KANK1: variants seen among roughly 807,000 people sequenced by gnomAD.
The protein encoded by KANK1 is KN motif and ankyrin repeat domain-containing protein 1.
A neutral mutation model predicts 106.2 loss-of-function variants in KANK1; 109 were observed. The ratio of observed to expected loss-of-function variants is 1.03; its 90% CI spans 0.88 to 1.20. The LOEUF (loss-of-function observed/expected upper bound fraction) is 1.20, where lower values mean the gene tolerates loss of function less well. Among genes scored for constraint, KANK1 ranks in the 50% most tolerant of loss-of-function variants. The pLI is 0.00. For missense variants in KANK1, 2,399 were observed against 1,710.7 expected (o/e 1.40, Z -7.10); for synonymous variants, 873 against 652.2 (o/e 1.34, Z -5.16).
rs539159931 is a variant in KANK1 at position 684,538 on chromosome 9, ACT to A, written c.37+7532_37+7533del. On this transcript the variant is annotated intron_variant, in intron 2 of 11. Coordinates refer to ENST00000382297, the MANE Select transcript of KANK1 (RefSeq NM_015158.5). ...CAGCCCTTCCTACAAGGATTTGAAA[ACT>A]CTGTGCTCTGCTCTTCCTCAGCAGA... is the stretch of plus-strand genomic sequence containing the variant. The A allele has an allele frequency of 5.5e-3, 5,466 of 985,072 alleles. 14 individuals are homozygous for A. The highest frequency in any genetic ancestry group is 6.2e-3 in the Non-Finnish European group (5,176 of 829,834). 61.0% of individuals were successfully genotyped at this position (985,072 alleles called of 1,614,324 possible).
At chr9:612,676 G>T (rs1037005201) in intron 1 of KANK1, among the ~76,000 whole-genome samples, 2 of 152,162 alleles carry the variant, frequency 1.3e-5, no homozygotes, top group Non-Finnish European at 2.9e-5. Flanking sequence ...TAAAAAAGCA[G>T]TCCCTTCAGC....
At chr9:584,441 A>G (rs571389292) in intron 1 of KANK1, among the ~76,000 whole-genome samples, 21 of 152,222 alleles carry the variant, frequency 1.4e-4, no homozygotes, top group Non-Finnish European at 2.4e-4. Context: ...CTTTGAAGGA[A>G]GAAAAATTAT....
chr9:473,589 G>C (rs563963342), intron 3 of KANK1, among the ~76,000 whole-genome samples: 4 of 152,320 alleles, frequency 2.6e-5, no homozygotes, highest in Middle Eastern at 3.4e-3. Context: ...GCTATGGTTA[G>C]CTATGGGTAT....
At position 643,243 on chromosome 9, in the gene KANK1, G is replaced by GAGA. The variant is rs1486255031; in HGVS notation, c.-83-33643_-83-33641dup. Among the ~76,000 whole-genome samples the GAGA allele has an allele frequency of 1.1e-4, 17 of 150,846 alleles. 1 individual carries two copies. Among genetic ancestry groups the GAGA allele is most frequent in the African/African-American group, 4.2e-4 (17 of 40,200 alleles). On this transcript the variant is annotated intron_variant, in intron 1 of 11. Transcript: ENST00000382297. ...TTTGTGTGTGTCTGTATTTTCTAATGAGAAGATCCATAACTTTCATAAGCA... is the reference window on the plus strand; with the variant it reads ...TTTGTGTGTGTCTGTATTTTCTAATGAGAAGAAGATCCATAACTTTCATAAGCA...
chr9:621,899 C>A (rs1451211311), intron 1 of KANK1, among the ~76,000 whole-genome samples: 2 of 152,152 alleles, frequency 1.3e-5, no homozygotes, highest in African/African-American at 4.8e-5. Flanking sequence ...TCCAAATGCT[C>A]CACCAAAGGG....
chr9:502,323 G>C (rs1207398362), upstream of KANK1, among the ~76,000 whole-genome samples: 1 of 152,150 alleles, frequency 6.6e-6, no homozygotes, highest in African/African-American at 2.4e-5. Context: ...GGAGTAAATT[G>C]TATGGCATGT....
intron 1 of KANK1, among the ~76,000 whole-genome samples, chr9:635,318 G>A (rs183857943): frequency 1.3e-5 from 2 of 152,082 alleles, no homozygotes; most frequent in African/African-American, 2.4e-5. Flanking sequence ...CTTTCCTTGC[G>A]CACTCCCTGT....
At chr9:662,428 A>G (rs541004159) in intron 1 of KANK1, among the ~76,000 whole-genome samples, 59 of 152,308 alleles carry the variant, frequency 3.9e-4, no homozygotes, top group Non-Finnish European at 4.0e-4. Flanking sequence ...TTTAAACTAT[A>G]CTACAAGGCT....
chr9:600,681 A>C (rs1827514281), intron 1 of KANK1, among the ~76,000 whole-genome samples: 1 of 151,770 alleles, frequency 6.6e-6, no homozygotes, highest in South Asian at 2.1e-4. Context: ...ACCTCACCTC[A>C]TGCCCAACAT....
At chr9:679,581 A>G (rs1817115914) in intron 2 of KANK1, among the ~76,000 whole-genome samples, 1 of 152,058 alleles carries the variant, frequency 6.6e-6, no homozygotes, top group Non-Finnish European at 1.5e-5. Flanking sequence ...CGCCTGGCCA[A>G]TTTTTGTATT....
At chr9:514,007 A>G (rs1158782037) in intron 1 of KANK1, among the ~76,000 whole-genome samples, 1 of 137,108 alleles carries the variant, frequency 7.3e-6, no homozygotes, top group Non-Finnish European at 1.5e-5. Flanking sequence ...ACAGAGCGAG[A>G]CTCCGTCTCG....
chr9:633,484 C>G (rs1168662391), intron 1 of KANK1, among the ~76,000 whole-genome samples: 2 of 152,000 alleles, frequency 1.3e-5, no homozygotes, highest in Non-Finnish European at 2.9e-5. Flanking sequence ...AAAAAAAACA[C>G]CTTTTTTTGT....
At chr9:664,377 C>G (rs999022381) in intron 1 of KANK1, among the ~76,000 whole-genome samples, 94 of 152,150 alleles carry the variant, frequency 6.2e-4, no homozygotes, top group African/African-American at 2.1e-3. Flanking sequence ...CAGTTTCATC[C>G]ATCTTGCTCC....
In KANK1 at chr9:708,269, T is replaced by G. The variant is rs139575369; in HGVS notation, c.38-2535T>G. 3.7e-3 allele frequency among the ~76,000 whole-genome samples: 537 copies of G among 143,448 alleles called. 5 individuals are homozygous for G. Among genetic ancestry groups the G allele is most frequent in the South Asian group, 0.014 (61 of 4,474 alleles). 94.1% of individuals were successfully genotyped at this position (143,448 alleles called of 152,430 possible). A position where few individuals can be genotyped will look rare whatever the true frequency, so the allele number is the denominator to read the frequency against. On this transcript the variant is annotated intron_variant, in intron 2 of 11. Transcript: ENST00000382297. The stretch of plus-strand genomic sequence containing the variant: ...GCAGCTTCTCTCCTGTTAATGGAAT[T>G]TCAGACAGTACTGGAGACAGGTCTG...
intron 2 of KANK1, among the ~76,000 whole-genome samples, chr9:686,614 C>A (rs980444448): frequency 3.9e-5 from 6 of 152,174 alleles, no homozygotes; most frequent in Admixed American, 6.5e-5. Flanking sequence ...CTGTGATGCC[C>A]TTTGCCACCA....
At chr9:655,555 A>C (rs1455245690) in intron 1 of KANK1, among the ~76,000 whole-genome samples, 1 of 152,174 alleles carries the variant, frequency 6.6e-6, no homozygotes, top group African/African-American at 2.4e-5. Flanking sequence ...TTGATTCTGT[A>C]GGTCTAGGGT....
intron 1 of KANK1, among the ~76,000 whole-genome samples, chr9:510,855 C>T (rs1299097854): frequency 6.6e-6 from 1 of 152,158 alleles, no homozygotes; most frequent in East Asian, 1.9e-4. Flanking sequence ...ATCTTAACTC[C>T]TTTCCCCTCA....
rs1345250774 is a variant in KANK1 at position 671,075 on chromosome 9, C to G, written c.-83-5815C>G. On this transcript the variant is annotated intron_variant, in intron 1 of 11. Transcript: ENST00000382297. ...ATGGTGTATATTTATTTTGGTTATT[C>G]TGTGGGGAGAAGTGAAGCCAGCTTT... 4.8e-5 allele frequency among the ~76,000 whole-genome samples: 7 copies of G among 145,586 alleles called. No individual in the cohort carries two copies. The Admixed American group carries it at 5.0e-4, about 10-fold the overall frequency.
intron 1 of KANK1, among the ~76,000 whole-genome samples, chr9:635,466 C>G (rs967664231): frequency 7.9e-5 from 12 of 152,116 alleles, no homozygotes; most frequent in African/African-American, 2.9e-4. Context: ...TTGTGCAAAC[C>G]TTTTCCCCAA....
Sources: allele counts gnomAD v4.1 joint callset (sites outside exome capture counted in the v4.1 genomes callset), GRCh38; gene constraint gnomAD v4.1.1; transcripts MANE v1.5; gene names NCBI Gene and HGNC (gene_info 2026-07-23, HGNC 2026-07-21).